Variants in RUFY3 observed in about 807,000 individuals in gnomAD.
RUFY3 encodes the protein protein RUFY3.
Under a neutral mutation model 84.0 loss-of-function variants are expected in RUFY3, and 34 were observed. The ratio of observed to expected loss-of-function variants is 0.40; its 90% CI spans 0.31 to 0.54. The LOEUF (loss-of-function observed/expected upper bound fraction) is 0.54, where lower values mean the gene tolerates loss of function less well. RUFY3 is among the 20% of genes least tolerant of loss of function. The pLI is 0.39. For synonymous variants in RUFY3, 242 were observed against 252.9 expected (o/e 0.96, Z 0.41); for missense variants, 507 against 736.8 (o/e 0.69, Z 3.61).
chr4:70,724,492 C>A (rs941330265), intron 1 of RUFY3, among the ~76,000 whole-genome samples: 1 of 152,148 alleles, frequency 6.6e-6, no homozygotes, highest in Non-Finnish European at 1.5e-5. Flanking sequence ...TTTTTAGCAG[C>A]GCCATTTGAA....
chr4:70,762,799 A>C (rs756734493), intron 2 of RUFY3, 107 bp downstream of exon 2: 4 of 942,496 alleles, frequency 4.2e-6, no homozygotes, highest in Admixed American at 2.7e-5. Context: ...GGCTTGAATT[A>C]ATAATATTAA....
At chr4:70,737,676 CTTTT>C (rs57075760) in intron 1 of RUFY3, among the ~76,000 whole-genome samples, 7 of 134,422 alleles carry the variant, frequency 5.2e-5, no homozygotes, top group Admixed American at 7.5e-5. Context: ...ATTAATTCCT[CTTTT>C]TTTTTTTTTT....
At chr4:70,778,836 TC>T (rs1728424231) in intron 8 of RUFY3, among the ~76,000 whole-genome samples, 1 of 152,142 alleles carries the variant, frequency 6.6e-6, no homozygotes, top group Admixed American at 6.5e-5. Context: ...CGCCTCAGCC[TC>T]CCAAAGTGCT....
chr4:70,763,007 G>T (rs776963305), intron 2 of RUFY3, among the ~76,000 whole-genome samples: 1 of 152,196 alleles, frequency 6.6e-6, no homozygotes, highest in Non-Finnish European at 1.5e-5. Flanking sequence ...GTCACACATT[G>T]AGTTGTGGCA....
intron 12 of RUFY3, chr4:70,791,683 C>G (rs1030435098): frequency 1.5e-5 from 15 of 1,017,216 alleles, no homozygotes; most frequent in Non-Finnish European, 1.6e-5. Context: ...TTGTTCATGT[C>G]TGTATCTGCA....
rs776086565 is a variant in RUFY3 at position 70,791,214 on chromosome 4, A to G, written c.1337+1622A>G. The G allele has an allele frequency of 3.1e-6, 5 of 1,607,958 alleles. No homozygotes were observed. The South Asian group carries it at 5.5e-5, about 18-fold the overall frequency. On this transcript the variant is annotated intron_variant, in intron 12 of 17. Transcript: ENST00000381006. Reference sequence around the variant, plus strand: ...CTCCTTTCACTTCATTGTCATTTTTATTTTATTTAGTGAAAAGGATTTGGT... The same window carrying G: ...CTCCTTTCACTTCATTGTCATTTTTGTTTTATTTAGTGAAAAGGATTTGGT...
At chr4:70,768,810 A>T in intron 5 of RUFY3, 149 bp downstream of exon 5, 1 of 798,164 alleles carries the variant, frequency 1.3e-6, no homozygotes. Context: ...TATAAAAAAA[A>T]GATTGTTTTT....
chr4:70,750,953 G>C (rs751050311), intron 1 of RUFY3, among the ~76,000 whole-genome samples: 3 of 152,022 alleles, frequency 2.0e-5, no homozygotes, highest in Non-Finnish European at 4.4e-5. Context: ...ATATTGTATG[G>C]GCATATCATA....
At chr4:70,706,425 A>T (rs1392168503) in intron 1 of RUFY3, among the ~76,000 whole-genome samples, 1 of 152,214 alleles carries the variant, frequency 6.6e-6, no homozygotes, top group Non-Finnish European at 1.5e-5. Context: ...TCCTATGTGC[A>T]TGTGTTGTGA....
intron 17 of RUFY3, among the ~76,000 whole-genome samples, chr4:70,805,680 C>T (rs1255660992): frequency 2.0e-5 from 3 of 152,218 alleles, no homozygotes; most frequent in Non-Finnish European, 4.4e-5. Context: ...ACTGTTAATT[C>T]TGGCTTTCCT....
At chr4:70,705,294 C>T (rs763596763) in exon 1 of RUFY3, 13 of 1,402,994 alleles carry the variant, frequency 9.3e-6, no homozygotes, top group African/African-American at 1.5e-5. Context: ...CGGCAAGCAC[C>T]GTGAGTGGCG....
At chr4:70,805,619 C>T (rs761600771) in intron 17 of RUFY3, among the ~76,000 whole-genome samples, 6 of 152,148 alleles carry the variant, frequency 3.9e-5, no homozygotes, top group Non-Finnish European at 8.8e-5. Context: ...ATGAACTGCC[C>T]TTATAGAACT....
intron 1 of RUFY3, among the ~76,000 whole-genome samples, chr4:70,745,716 A>G (rs1305128207): frequency 6.6e-6 from 1 of 152,192 alleles, no homozygotes; most frequent in Non-Finnish European, 1.5e-5. Flanking sequence ...AAACAGAAGA[A>G]ACATATCTTA....
At chr4:70,733,111 AGAGAGAGAGGGAGGGAGGGAGGGAGG>A (rs1560463610) in intron 1 of RUFY3, among the ~76,000 whole-genome samples, 3 of 88,104 alleles carry the variant, frequency 3.4e-5, no homozygotes, top group Non-Finnish European at 4.2e-5. Flanking sequence ...AGAGAGAGAG[AGAGAGAGAGGGAGGGAGGGAGGGAGG>A]GAGAGAGAGA....
chr4:70,745,751 T>C (rs2148659194), intron 1 of RUFY3, among the ~76,000 whole-genome samples: 1 of 152,306 alleles, frequency 6.6e-6, no homozygotes, highest in Middle Eastern at 3.4e-3. Flanking sequence ...CTTCTAGCAC[T>C]GTGCCACATC....
At chr4:70,776,673 G>A (rs1033301100) in intron 7 of RUFY3, among the ~76,000 whole-genome samples, 1 of 152,198 alleles carries the variant, frequency 6.6e-6, no homozygotes, top group Non-Finnish European at 1.5e-5. Flanking sequence ...CTGCTCGGGA[G>A]GCTGAGGCAG....
chr4:70,742,199 A>G (rs1016236397), intron 1 of RUFY3, among the ~76,000 whole-genome samples: 2 of 152,114 alleles, frequency 1.3e-5, no homozygotes, highest in African/African-American at 2.4e-5. Flanking sequence ...GAATGGTGTG[A>G]TTATCTTTTT....
rs537424991 is a variant in RUFY3 at position 70,794,182 on chromosome 4, A to T, written c.1457+278A>T. 3.9e-5 allele frequency among the ~76,000 whole-genome samples: 6 copies of T among 152,312 alleles called. No individual in the cohort carries two copies. In the South Asian group the frequency reaches 1.2e-3, roughly 32 times the overall value. On this transcript the variant is annotated intron_variant, in intron 13 of 17. Transcript: ENST00000381006. ...TAATAATAATATGTAATATTTCCTG[A>T]ATTCTTACTGTGTGCCAGATACTTT... is the stretch of plus-strand genomic sequence containing the variant.
intron 1 of RUFY3, among the ~76,000 whole-genome samples, chr4:70,739,258 G>T (rs1321918769): frequency 6.6e-6 from 1 of 151,858 alleles, no homozygotes; most frequent in African/African-American, 2.4e-5. Flanking sequence ...TTTGTCATTT[G>T]GTTTATTTAG....
Sources: gnomAD v4.1 joint callset for allele counts (sites outside exome capture counted in the v4.1 genomes callset) on GRCh38, gnomAD v4.1.1 for gene constraint, MANE v1.5 for transcripts, NCBI Gene and HGNC (gene_info 2026-07-23, HGNC 2026-07-21) for gene names.